The following ADGRB3 variants were observed in gnomAD, a reference collection of about 807,000 sequenced individuals.
The protein encoded by ADGRB3 is brain-specific angiogenesis inhibitor 3.
Under a neutral mutation model 193.4 loss-of-function variants are expected in ADGRB3, and 37 were observed. That is an observed-to-expected ratio of 0.19 (90% CI 0.15 to 0.25). The LOEUF is 0.25. ADGRB3 is among the 10% of genes least tolerant of loss of function. The pLI is 1.00. For synonymous variants in ADGRB3, 690 were observed against 644.2 expected (o/e 1.07, Z -1.08); for missense variants, 1,637 against 1,852.9 (o/e 0.88, Z 2.14).
At chr6:69,073,392 T>C (rs1391135704) in intron 16 of ADGRB3, among the ~76,000 whole-genome samples, 1 of 152,138 alleles carries the variant, frequency 6.6e-6, no homozygotes, top group Non-Finnish European at 1.5e-5. Context: ...GTTGTAGAAC[T>C]TTTTCCTTAG....
intron 3 of ADGRB3, among the ~76,000 whole-genome samples, chr6:68,688,031 G>C (rs993421574): frequency 5.3e-5 from 8 of 152,104 alleles, no homozygotes; most frequent in Non-Finnish European, 1.5e-5. Flanking sequence ...TGTGGCCCTT[G>C]AGGAAATTGA....
intron 3 of ADGRB3, among the ~76,000 whole-genome samples, chr6:68,808,967 A>G (rs908613404): frequency 6.6e-6 from 1 of 152,202 alleles, no homozygotes; most frequent in South Asian, 2.1e-4. Flanking sequence ...TGTATTCTTC[A>G]GTAGCAACAA....
chr6:68,922,625 A>T (rs1053941859), intron 3 of ADGRB3, among the ~76,000 whole-genome samples: 1 of 152,148 alleles, frequency 6.6e-6, no homozygotes, highest in Non-Finnish European at 1.5e-5. Context: ...AAAAAATGTA[A>T]TTTTAGAGTA....
intron 13 of ADGRB3, among the ~76,000 whole-genome samples, chr6:69,031,918 G>A (rs564708733): frequency 2.0e-5 from 3 of 151,974 alleles, no homozygotes; most frequent in African/African-American, 7.2e-5. Context: ...AGATGTGAGC[G>A]ACTGTTCTGG....
chr6:69,386,924 A>C (rs567097286), intron 31 of ADGRB3, among the ~76,000 whole-genome samples: 2 of 152,194 alleles, frequency 1.3e-5, no homozygotes, highest in South Asian at 4.1e-4. Context: ...CCATTTAACT[A>C]TACATTCTTC....
chr6:69,260,790 C>T (rs529980588), intron 20 of ADGRB3, among the ~76,000 whole-genome samples: 79 of 152,202 alleles, frequency 5.2e-4, no homozygotes, highest in African/African-American at 1.7e-3. Flanking sequence ...AAAATATGGA[C>T]ATTAGCATTT....
intron 17 of ADGRB3, among the ~76,000 whole-genome samples, chr6:69,130,692 T>G (rs1773985720): frequency 6.6e-6 from 1 of 151,616 alleles, no homozygotes; most frequent in African/African-American, 2.4e-5. Context: ...TTTCTTGGGG[T>G]TTTTTCTAAG....
At chr6:68,913,918 C>T (rs1478657335) in intron 3 of ADGRB3, among the ~76,000 whole-genome samples, 3 of 151,156 alleles carry the variant, frequency 2.0e-5, no homozygotes, top group Admixed American at 6.6e-5. Context: ...GGAGCCGATG[C>T]GATCAACTGG....
chr6:69,145,662 T>A (rs1774471041), intron 17 of ADGRB3, among the ~76,000 whole-genome samples: 1 of 151,854 alleles, frequency 6.6e-6, no homozygotes, highest in Non-Finnish European at 1.5e-5. Flanking sequence ...AAGAGTAGCT[T>A]TATTGAGTGA....
At position 68,905,237 on chromosome 6, in the gene ADGRB3, A is replaced by T. The variant is rs531428151; in HGVS notation, c.758-25322A>T. Among the ~76,000 whole-genome samples, 4 of 152,298 alleles carry T rather than the reference A, an allele frequency of 2.6e-5. No individual in the cohort carries two copies. In the East Asian group the frequency reaches 7.7e-4, roughly 29 times the overall value. On this transcript the variant is annotated intron_variant, in intron 3 of 31. Transcript: ENST00000370598. ...GTTTATTTGAGTTCTATTCCTAAAGAACAATTATTCAGGGTACACATATAA... is the reference window on the plus strand; with the variant it reads ...GTTTATTTGAGTTCTATTCCTAAAGTACAATTATTCAGGGTACACATATAA...
intron 19 of ADGRB3, among the ~76,000 whole-genome samples, chr6:69,238,390 C>T (rs761900016): frequency 1.3e-5 from 2 of 152,024 alleles, no homozygotes; most frequent in African/African-American, 2.4e-5. Context: ...TTCTCTATGG[C>T]TTACATTCTT....
At chr6:68,704,901 T>A (rs1765299533) in intron 3 of ADGRB3, among the ~76,000 whole-genome samples, 1 of 152,222 alleles carries the variant, frequency 6.6e-6, no homozygotes, top group South Asian at 2.1e-4. Context: ...ACAATATTTT[T>A]AATTACGCTT....
chr6:69,259,982 A>G (rs1766887986), intron 20 of ADGRB3, among the ~76,000 whole-genome samples: 1 of 152,194 alleles, frequency 6.6e-6, no homozygotes, highest in Non-Finnish European at 1.5e-5. Context: ...TGTTTAACAC[A>G]AATTCATGTA....
intron 3 of ADGRB3, among the ~76,000 whole-genome samples, chr6:68,690,101 T>C (rs1765047649): frequency 6.6e-6 from 1 of 152,150 alleles, no homozygotes; most frequent in Admixed American, 6.6e-5. Context: ...TGATGCAAAC[T>C]CTCACTCAGG....
Position 69,018,318 on chromosome 6 carries a change from A to T in ADGRB3, c.1999-73A>T, listed in dbSNP as rs1474972764. 6 of 910,724 alleles carry T rather than the reference A, an allele frequency of 6.6e-6. No individual in the cohort carries two copies. The African/African-American group carries it at 6.7e-5, about 10-fold the overall frequency. 56.4% of individuals were successfully genotyped at this position (910,724 alleles called of 1,614,324 possible). A position where few individuals can be genotyped will look rare whatever the true frequency, so the allele number is the denominator to read the frequency against. On this transcript the variant is annotated intron_variant, in intron 12 of 31. Transcript: ENST00000370598. The stretch of plus-strand genomic sequence containing the variant: ...GCTCATTTGTGATTTCATGTAGTTT[A>T]AAAAAATTCAGTTATATATGCCATT...
chr6:68,904,430 A>T (rs1339932120), intron 3 of ADGRB3, among the ~76,000 whole-genome samples: 2 of 152,162 alleles, frequency 1.3e-5, no homozygotes, highest in Non-Finnish European at 2.9e-5. Flanking sequence ...CTGTATGTTG[A>T]CTACACACTT....
intron 3 of ADGRB3, among the ~76,000 whole-genome samples, chr6:68,807,237 T>TTTC (rs1162946795): frequency 1.6e-5 from 2 of 123,224 alleles, no homozygotes; most frequent in African/African-American, 7.9e-5. Flanking sequence ...TCTTTTTTCT[T>TTTC]TTTTTTTTTT....
At chr6:69,129,866 C>T (rs1291673559) in intron 17 of ADGRB3, among the ~76,000 whole-genome samples, 1 of 152,130 alleles carries the variant, frequency 6.6e-6, no homozygotes, top group East Asian at 1.9e-4. Flanking sequence ...TATCAGTCCT[C>T]TCCTGGAATA....
chr6:68,737,570 C>G (rs1413058776), intron 3 of ADGRB3, among the ~76,000 whole-genome samples: 2 of 152,044 alleles, frequency 1.3e-5, no homozygotes, highest in African/African-American at 4.8e-5. Context: ...TATTATCAAG[C>G]ACTAAATAGA....
Sources: allele counts gnomAD v4.1 joint callset (sites outside exome capture counted in the v4.1 genomes callset), GRCh38; gene constraint gnomAD v4.1.1; transcripts MANE v1.5; gene names NCBI Gene and HGNC (gene_info 2026-07-23, HGNC 2026-07-21).